NLRP1: variants seen among roughly 807,000 people sequenced by gnomAD.
NLRP1 encodes NLR family pyrin domain containing 1.
A neutral mutation model predicts 136.7 loss-of-function variants in NLRP1; 94 were observed. The ratio of observed to expected loss-of-function variants is 0.69; its 90% CI spans 0.58 to 0.82. The LOEUF is 0.82. Ranked by LOEUF, NLRP1 falls within the 40% of genes least tolerant of loss-of-function variation. The pLI is 0.00. For missense variants in NLRP1, 1,575 were observed against 1,802.7 expected, an observed-to-expected ratio of 0.87 and a Z score of 2.29; for synonymous variants, 690 against 725.1, an observed-to-expected ratio of 0.95 and a Z score of 0.78.
intron 3 of NLRP1, among the ~76,000 whole-genome samples, chr17:5,572,321 A>G (rs1904460124): frequency 6.6e-6 from 1 of 152,216 alleles, no homozygotes; most frequent in Admixed American, 6.5e-5. Context: ...CAACCCACAG[A>G]ATGGGAGAAA....
At chr17:5,573,197 TACC>T (rs1293493319) in intron 3 of NLRP1, among the ~76,000 whole-genome samples, 3 of 152,178 alleles carry the variant, frequency 2.0e-5, no homozygotes, top group Non-Finnish European at 4.4e-5. Flanking sequence ...GAGGGTCCTG[TACC>T]CACGGAGCCT....
chr17:5,530,662 C>T lies in NLRP1; in HGVS notation c.3339G>A (p.Thr1113=), dbSNP rs780467764. 5.6e-6 allele frequency: 9 copies of T among 1,614,196 alleles called. No individual in the cohort carries two copies. Among genetic ancestry groups the T allele is most frequent in the African/African-American group, 1.3e-5 (1 of 75,048 alleles). The stretch of plus-strand genomic sequence containing the variant: ...CTTCTCTCATCACAAAGCAGAGACC[C>T]GTGTTGGGCCAGCGGTAGGAGCCAG... ...PVAGSYRWPN[T]GLCFVMREAV... Residue 1113 remains threonine (T), a synonymous_variant, in exon 12 of 17, where the codon ACG becomes ACA. Coordinates refer to ENST00000572272, the MANE Select transcript of NLRP1 (RefSeq NM_033004.4).
chr17:5,550,943 C>T (rs1913277443), intron 5 of NLRP1, among the ~76,000 whole-genome samples: 1 of 152,024 alleles, frequency 6.6e-6, no homozygotes, highest in Admixed American at 6.6e-5. Context: ...ACTCCCTGTC[C>T]CCACATCCCT....
rs763376368 is a variant in NLRP1, at chr17:5,514,846, G to A, written c.4330C>T (p.Leu1444Phe). Residue 1444 changes from leucine (L) to phenylalanine (F), a missense_variant, in exon 17 of 17, where the codon CTC (leucine) becomes TTC (phenylalanine). Coordinates refer to ENST00000572272, the MANE Select transcript of NLRP1 (RefSeq NM_033004.4). ...TGGGTCTCCTTCAGGGCTTGGTAGAGTCCATCTTTGCACTTCCGGTCCCAG... is the reference window on the plus strand; with the variant it reads ...TGGGTCTCCTTCAGGGCTTGGTAGAATCCATCTTTGCACTTCCGGTCCCAG... ...QSWDRKCKDG[L>F]YQALKETHPH... 1 of 1,614,136 alleles carries A rather than the reference G, an allele frequency of 6.2e-7. No homozygotes were observed. Among genetic ancestry groups the A allele is most frequent in the South Asian group, 1.1e-5 (1 of 91,082 alleles).
chr17:5,524,017 G>A (rs187382309), intron 12 of NLRP1, among the ~76,000 whole-genome samples: 1 of 152,146 alleles, frequency 6.6e-6, no homozygotes, highest in African/African-American at 2.4e-5. Flanking sequence ...TCCGCCTCCT[G>A]GGTTGAAGTG....
intron 15 of NLRP1, among the ~76,000 whole-genome samples, chr17:5,506,745 A>AAAC (rs1260682545): frequency 6.6e-6 from 1 of 151,230 alleles, no homozygotes; most frequent in Non-Finnish European, 1.5e-5. Context: ...TACAAAAAAA[A>AAAC]AAAAAAATTA....
intron 9 of NLRP1, 111 bp downstream of exon 9, chr17:5,533,786 G>A (rs1227758899): frequency 3.9e-6 from 3 of 762,390 alleles, no homozygotes; most frequent in Non-Finnish European, 6.7e-6. Flanking sequence ...TCTTGGGTAG[G>A]AAACCTGCCC....
chr17:5,564,547 C>A (rs1294713274), intron 3 of NLRP1, among the ~76,000 whole-genome samples: 2 of 152,110 alleles, frequency 1.3e-5, no homozygotes, highest in African/African-American at 4.8e-5. Context: ...TCTTTGATGG[C>A]TGAATAGTAT....
At chr17:5,567,832 A>G (rs1037642006) in intron 3 of NLRP1, among the ~76,000 whole-genome samples, 2 of 152,118 alleles carry the variant, frequency 1.3e-5, no homozygotes, top group African/African-American at 4.8e-5. Flanking sequence ...CACCAGATAT[A>G]CTATTTAGGG....
intron 10 of NLRP1, 101 bp from the exon 11 acceptor site, chr17:5,533,085 T>C (rs1048223194): frequency 4.9e-5 from 71 of 1,441,068 alleles, no homozygotes; most frequent in Non-Finnish European, 6.5e-5. Flanking sequence ...CTGGCCTGCC[T>C]GGACCATGGC....
rs1277470601 is a variant in NLRP1 at position 5,559,551 on chromosome 17, T to C, written c.1145A>G (p.Glu382Gly). 1 of 1,614,186 alleles carries C rather than the reference T, an allele frequency of 6.2e-7. No homozygotes were observed. Among genetic ancestry groups the C allele is most frequent in the Admixed American group, 1.7e-5 (1 of 60,020 alleles). The change falls in exon 4 of 17, where the codon GAG (glutamate) becomes GGG (glycine). Residue 382 changes from glutamate (E) to glycine (G), a missense_variant. Transcript: ENST00000572272. ...LAQSKVVSLA[E>G]LIGKDGTATP... ...GGCTGTCCCATCTTTTCCGATGAGCTCAGCGAGACTCACCACCTTGGACTG... is the reference window on the plus strand; with the variant it reads ...GGCTGTCCCATCTTTTCCGATGAGCCCAGCGAGACTCACCACCTTGGACTG...
intron 4 of NLRP1, among the ~76,000 whole-genome samples, chr17:5,554,118 A>G (rs1913735421): frequency 6.6e-6 from 1 of 152,028 alleles, no homozygotes; most frequent in African/African-American, 2.4e-5. Flanking sequence ...GGAAGACTGT[A>G]TATGATCATA....
intron 15 of NLRP1, among the ~76,000 whole-genome samples, chr17:5,507,312 AAATTAAATT>A (rs1311858516): frequency 6.6e-6 from 1 of 152,208 alleles, no homozygotes; most frequent in Admixed American, 6.5e-5. Flanking sequence ...GTCTTCAAAT[AAATTAAATT>A]AATTAAATTA....
rs1310231991 is a variant in NLRP1 at position 5,542,107 on chromosome 17, C to G, written c.2529-80G>C. The G allele has an allele frequency of 7.1e-6, 10 of 1,402,606 alleles. No homozygotes were observed. In the East Asian group the frequency reaches 2.2e-4, roughly 31 times the overall value. 86.9% of individuals were successfully genotyped at this position (1,402,606 alleles called of 1,614,324 possible). A position where few individuals can be genotyped will look rare whatever the true frequency, so the allele number is the denominator to read the frequency against. ...ACACCCATAAGCAACCATTAATCAC[C>G]TACTATGCACCAGGCCTGTGGGCCA... On this transcript the variant is annotated intron_variant, in intron 5 of 16. Transcript: ENST00000572272.
intron 6 of NLRP1, among the ~76,000 whole-genome samples, chr17:5,540,750 G>A (rs565008710): frequency 6.6e-6 from 1 of 152,282 alleles, no homozygotes; most frequent in East Asian, 1.9e-4. Flanking sequence ...GATCCTCGTT[G>A]TCTCCCCTTC....
Position 5,559,282 on chromosome 17 carries a change from G to C in NLRP1, c.1414C>G (p.Gln472Glu), listed in dbSNP as rs201708860. The part of the protein sequence containing the change: ...ALQNLIPSLE[Q>E]ARWVEVLGFS... Reference sequence around the variant, plus strand: ...CCCAGGACCTCTACCCAACGTGCCTGCTCCAAAGAAGGAATGAGGTTCTGC... The same window carrying C: ...CCCAGGACCTCTACCCAACGTGCCTCCTCCAAAGAAGGAATGAGGTTCTGC... Residue 472 changes from glutamine to glutamate, a missense_variant, in exon 4 of 17, where the codon CAG (glutamine) becomes GAG (glutamate). Coordinates refer to ENST00000572272, the MANE Select transcript of NLRP1 (RefSeq NM_033004.4). 1.2e-6 allele frequency: 2 copies of C among 1,614,046 alleles called. No homozygotes were observed. The highest frequency in any genetic ancestry group is 1.3e-5 in the African/African-American group (1 of 74,908).
chr17:5,558,483 A>T lies in NLRP1; in HGVS notation c.2213T>A (p.Phe738Tyr), dbSNP rs1239048973. 10 of 1,614,014 alleles carry T rather than the reference A, an allele frequency of 6.2e-6. No individual in the cohort carries two copies. The Admixed American group carries it at 1.7e-4, about 27-fold the overall frequency. ...KTFLTQVMAH[F>Y]EEMGMCVETD... ...TTCTACACACATGCCCATTTCTTCG[A>T]AATGGGCCATCACTTGTGTCAGGAA... Residue 738 changes from phenylalanine (F) to tyrosine (Y), a missense_variant, in exon 4 of 17, where the codon TTC (phenylalanine) becomes TAC (tyrosine). Transcript: ENST00000572272.
chr17:5,509,577 G>A (rs75776205), downstream of NLRP1, among the ~76,000 whole-genome samples: 3,325 of 152,248 alleles, frequency 0.022, 118 homozygotes, highest in African/African-American at 0.074. Context: ...TGATTCTTCC[G>A]TTTTTCTGAG....
chr17:5,575,381 C>T (rs988670137), intron 3 of NLRP1, among the ~76,000 whole-genome samples: 8 of 152,136 alleles, frequency 5.3e-5, no homozygotes, highest in Non-Finnish European at 8.8e-5. Context: ...GGAAACCCAT[C>T]TCACGTGCAA....
Sources: gnomAD v4.1 joint callset for allele counts (sites outside exome capture counted in the v4.1 genomes callset) on GRCh38, gnomAD v4.1.1 for gene constraint, MANE v1.5 for transcripts, NCBI Gene and HGNC (gene_info 2026-07-23, HGNC 2026-07-21) for gene names.